The following AKR1C3 variants were observed in gnomAD, a reference collection of about 807,000 sequenced individuals.
The protein encoded by AKR1C3 is 3-alpha hydroxysteroid dehydrogenase, type II.
Under a neutral mutation model 43.6 loss-of-function variants are expected in AKR1C3, and 48 were observed. The observed-to-expected ratio is 1.10, with a 90% confidence interval of 0.87 to 1.40. The LOEUF (loss-of-function observed/expected upper bound fraction) is 1.40. Ranked by LOEUF, AKR1C3 falls within the 40% of genes most tolerant of loss-of-function variation. The pLI is 0.00. For synonymous variants in AKR1C3, 162 were observed against 139.6 expected (o/e 1.16, Z -1.13); for missense variants, 482 against 391.2 (o/e 1.23, Z -1.96).
chr10:5,077,247 T>G (rs1292663719), intron 1 of AKR1C3, among the ~76,000 whole-genome samples: 1 of 152,132 alleles, frequency 6.6e-6, no homozygotes, highest in Non-Finnish European at 1.5e-5. Context: ...CCACAAGCCC[T>G]GGGTATTTTT....
chr10:5,072,076 T>C lies in AKR1C3; in HGVS notation c.84+23181T>C, dbSNP rs373182539. 9.1e-4 allele frequency among the ~76,000 whole-genome samples: 139 copies of C among 152,336 alleles called. 2 individuals are homozygous for C. Among genetic ancestry groups the C allele is most frequent in the African/African-American group, 3.2e-3 (132 of 41,582 alleles). On this transcript the variant is annotated intron_variant, in intron 1 of 8. Transcript: ENST00000439082. Reference sequence around the variant, plus strand: ...GAATTTGTTTTTTTTCTGGCTCTTATGATTTAATAGCTACAGACAGGTGGG... The same window carrying C: ...GAATTTGTTTTTTTTCTGGCTCTTACGATTTAATAGCTACAGACAGGTGGG...
Position 5,098,831 on chromosome 10 carries a change from A to C in AKR1C3, c.399A>C (p.Glu133Asp). ...GTGAGGAACTTTCACCAACAGATGA[A>C]AATGGAAAAGTAATATTTGACATAG... Reference protein sequence around the residue: ...KPGEELSPTDENGKVIFDIVD... With the variant: ...KPGEELSPTDDNGKVIFDIVD... Residue 133 changes from glutamate (E) to aspartate (D), a missense_variant, in exon 4 of 9, where the codon GAA (glutamate) becomes GAC (aspartate). Transcript: ENST00000380554. 1 of 1,613,972 alleles carries C rather than the reference A, an allele frequency of 6.2e-7. No homozygotes were observed. Among genetic ancestry groups the C allele is most frequent in the South Asian group, 1.1e-5 (1 of 90,984 alleles).
chr10:5,087,112 G>A (rs1838983601), intron 1 of AKR1C3, among the ~76,000 whole-genome samples: 2 of 152,106 alleles, frequency 1.3e-5, no homozygotes, highest in South Asian at 4.1e-4. Context: ...CTGTCATTAT[G>A]ATGTTAGCTG....
chr10:5,102,288 G>A (rs1839373979), intron 6 of AKR1C3, 78 bp downstream of exon 6: 1 of 1,576,154 alleles, frequency 6.3e-7, no homozygotes, highest in African/African-American at 1.4e-5. Flanking sequence ...TCAGTTTCCT[G>A]TAGTTAAGTT....
At chr10:5,103,979 T>TAC (rs1347702624) in intron 7 of AKR1C3, among the ~76,000 whole-genome samples, 8 of 152,164 alleles carry the variant, frequency 5.3e-5, no homozygotes, top group Non-Finnish European at 8.8e-5. Context: ...TGAGATAGAT[T>TAC]ACACATACAT....
chr10:5,085,479 A>G (rs1160612888), intron 1 of AKR1C3, among the ~76,000 whole-genome samples: 1 of 151,826 alleles, frequency 6.6e-6, no homozygotes, highest in Non-Finnish European at 1.5e-5. Context: ...TCGGTTTGCC[A>G]GTATTTTATT....
At chr10:5,062,467 C>G (rs782424728) in intron 1 of AKR1C3, among the ~76,000 whole-genome samples, 1 of 152,192 alleles carries the variant, frequency 6.6e-6, no homozygotes, top group African/African-American at 2.4e-5. Context: ...TCCCTCCAAA[C>G]TCCAGGACAG....
intron 7 of AKR1C3, among the ~76,000 whole-genome samples, chr10:5,103,428 C>T (rs1158202352): frequency 6.6e-6 from 1 of 152,022 alleles, no homozygotes; most frequent in African/African-American, 2.4e-5. Flanking sequence ...ACAAATCACC[C>T]TCAACATAGG....
At chr10:5,072,134 G>A (rs1321269717) in intron 1 of AKR1C3, among the ~76,000 whole-genome samples, 1 of 152,078 alleles carries the variant, frequency 6.6e-6, no homozygotes, top group Non-Finnish European at 1.5e-5. Flanking sequence ...ACTTATCTCT[G>A]GGTTCTAGTA....
chr10:5,102,235 C>A (rs781850955), intron 6 of AKR1C3, 25 bp downstream of exon 6: 1 of 1,597,992 alleles, frequency 6.3e-7, no homozygotes, highest in Admixed American at 1.7e-5. Flanking sequence ...GGGACCTTTA[C>A]ATAAACCTTC....
At chr10:5,090,374 A>C (rs1839064278), upstream of AKR1C3, among the ~76,000 whole-genome samples, 1 of 152,120 alleles carries the variant, frequency 6.6e-6, no homozygotes. Flanking sequence ...TCAGTAACAC[A>C]ATCTGTTTCC....
At chr10:5,062,809 C>T (rs1588334426) in intron 1 of AKR1C3, among the ~76,000 whole-genome samples, 1 of 149,638 alleles carries the variant, frequency 6.7e-6, no homozygotes, top group South Asian at 2.1e-4. Flanking sequence ...AGGCTTATTC[C>T]AGCCAGTTCA....
intron 4 of AKR1C3, 76 bp from the exon 5 acceptor site, chr10:5,099,251 T>TCA: frequency 6.3e-7 from 1 of 1,595,286 alleles, no homozygotes; most frequent in South Asian, 1.1e-5. Context: ...GTTGTTGCTC[T>TCA]CACAGTTCTG....
At chr10:5,073,907 C>T (rs1356557075) in intron 1 of AKR1C3, among the ~76,000 whole-genome samples, 1 of 152,050 alleles carries the variant, frequency 6.6e-6, no homozygotes, top group Admixed American at 6.6e-5. Flanking sequence ...GAAGATAAAT[C>T]TTAGGGCCCC....
At chr10:5,073,188 C>G (rs1421873206) in intron 1 of AKR1C3, among the ~76,000 whole-genome samples, 2 of 152,016 alleles carry the variant, frequency 1.3e-5, no homozygotes, top group Non-Finnish European at 2.9e-5. Context: ...GGTCTCGAAC[C>G]CTTGTCCTCA....
At chr10:5,101,881 A>T (rs11252940) in intron 5 of AKR1C3, among the ~76,000 whole-genome samples, 38,004 of 151,952 alleles carry the variant, frequency 0.25, 4,869 homozygotes, top group Middle Eastern at 0.37. Flanking sequence ...CCAGGATCTG[A>T]TTCATAGATG....
intron 3 of AKR1C3, 153 bp downstream of exon 3, chr10:5,097,703 G>A (rs527951734): frequency 2.6e-5 from 39 of 1,479,256 alleles, no homozygotes; most frequent in African/African-American, 7.1e-5. Flanking sequence ...CCTTTCTTTC[G>A]AGTAAATTTT....
intron 1 of AKR1C3, 40 bp downstream of exon 1, chr10:5,094,568 T>C: frequency 1.2e-6 from 2 of 1,604,214 alleles, no homozygotes; most frequent in Non-Finnish European, 1.7e-6. Context: ...TTCAAAAGAA[T>C]AAACCTAGTA....
At chr10:5,099,575 T>G (rs1449172649) in intron 5 of AKR1C3, 126 bp downstream of exon 5, 18 of 1,504,988 alleles carry the variant, frequency 1.2e-5, no homozygotes, top group Non-Finnish European at 1.4e-5. Flanking sequence ...AGAGCAAAGC[T>G]TCTGTCAAGA....
Sources: allele counts gnomAD v4.1 joint callset (sites outside exome capture counted in the v4.1 genomes callset), GRCh38; gene constraint gnomAD v4.1.1; transcripts MANE v1.5; gene names NCBI Gene and HGNC (gene_info 2026-07-23, HGNC 2026-07-21).